Variants in COL14A1 observed in about 807,000 individuals in gnomAD.
COL14A1 encodes collagen alpha-1(XIV) chain.
In COL14A1, 136 loss-of-function variants were observed where a neutral mutation model predicts 230.3. The ratio of observed to expected loss-of-function variants is 0.59; its 90% CI spans 0.51 to 0.68. The LOEUF is 0.68. Ranked by LOEUF, COL14A1 falls within the 30% of genes least tolerant of loss-of-function variation. COL14A1 has a pLI of 0.00. For synonymous variants in COL14A1, 792 were observed against 784.1 expected, an observed-to-expected ratio of 1.01 and a Z score of -0.17; for missense variants, 1,976 against 2,215.8, an observed-to-expected ratio of 0.89 and a Z score of 2.17.
intron 1 of COL14A1, among the ~76,000 whole-genome samples, chr8:120,131,821 T>C (rs1814536463): frequency 6.6e-6 from 1 of 150,596 alleles, no homozygotes; most frequent in African/African-American, 2.4e-5. Flanking sequence ...TAGGTTTTCT[T>C]CCTTTTTTCT....
At chr8:120,166,305 G>A (rs578178420) in intron 4 of COL14A1, among the ~76,000 whole-genome samples, 1 of 152,218 alleles carries the variant, frequency 6.6e-6, no homozygotes, top group South Asian at 2.1e-4. Flanking sequence ...CTGTGTCAAG[G>A]GTGACTGAGC....
At chr8:120,226,826 C>T (rs1480388158) in intron 16 of COL14A1, 60 bp downstream of exon 16, 4 of 1,511,510 alleles carry the variant, frequency 2.6e-6, no homozygotes, top group Non-Finnish European at 3.6e-6. Context: ...CCTACTGCTG[C>T]TGGAGTTGGT....
intron 15 of COL14A1, among the ~76,000 whole-genome samples, chr8:120,225,854 G>C (rs74404108): frequency 0.01 from 1,567 of 151,834 alleles, 32 homozygotes; most frequent in African/African-American, 0.037. Context: ...GAGATGAGAC[G>C]GTAATTTGGA....
At chr8:120,201,503 T>C (rs188707043) in intron 8 of COL14A1, among the ~76,000 whole-genome samples, 57 of 152,266 alleles carry the variant, frequency 3.7e-4, no homozygotes, top group African/African-American at 1.4e-3. Context: ...ATATTTACAT[T>C]TACCAGCACA....
rs1251528789 is a variant in COL14A1, at chr8:120,372,271, G to A, written c.*1040G>A. On this transcript the variant is annotated 3_prime_UTR_variant, in exon 48 of 48. Coordinates refer to ENST00000297848, the MANE Select transcript of COL14A1 (RefSeq NM_021110.4). ...TTATTGTTCATTTATAATCTAGCAG[G>A]CAGCAAAGACCCTGCAAATGCATGA... Among the ~76,000 whole-genome samples the A allele has an allele frequency of 6.6e-6, 1 of 152,152 alleles. No homozygotes were observed. The highest frequency in any genetic ancestry group is 1.5e-5 in the Non-Finnish European group (1 of 68,038).
chr8:120,214,025 T>C, intron 13 of COL14A1: 1 of 332,094 alleles, frequency 3.0e-6, no homozygotes, highest in Non-Finnish European at 5.8e-6. Context: ...AACTGGGCTT[T>C]GAGGTTAGGA....
At chr8:120,325,447 A>G (rs1334612394) in intron 40 of COL14A1, among the ~76,000 whole-genome samples, 1 of 151,380 alleles carries the variant, frequency 6.6e-6, no homozygotes, top group African/African-American at 2.4e-5. Context: ...CCTAATATTC[A>G]TTGTACATTG....
chr8:120,303,639 A>G (rs369120458), intron 36 of COL14A1, among the ~76,000 whole-genome samples: 28 of 152,290 alleles, frequency 1.8e-4, no homozygotes, highest in Middle Eastern at 3.4e-3. Context: ...TCAGTTTGCA[A>G]GTATTTTGTT....
intron 2 of COL14A1, among the ~76,000 whole-genome samples, chr8:120,150,724 A>C (rs187441878): frequency 6.6e-6 from 1 of 152,280 alleles, no homozygotes; most frequent in East Asian, 1.9e-4. Context: ...AGTTTTAGAC[A>C]AATATATGGA....
chr8:120,156,104 T>C (rs1255712703), intron 2 of COL14A1, among the ~76,000 whole-genome samples: 1 of 152,186 alleles, frequency 6.6e-6, no homozygotes, highest in Non-Finnish European at 1.5e-5. Context: ...TGCTTTCATC[T>C]GATTTCATAC....
Position 120,283,664 on chromosome 8 carries a change from G to A in COL14A1, c.3853G>A (p.Asp1285Asn), listed in dbSNP as rs770207407. 1.7e-5 allele frequency: 28 copies of A among 1,612,798 alleles called. No individual in the cohort carries two copies. Among genetic ancestry groups the A allele is most frequent in the African/African-American group, 5.3e-5 (4 of 74,862 alleles). Residue 1285 changes from aspartate (D) to asparagine (N), a missense_variant, in exon 32 of 48, where the codon GAC becomes AAC. Physicochemically the swap from Asp to Asn is conservative, Grantham distance 23. This residue lies in a region of COL14A1 where 1,791 missense variants were observed against 2,019.5 expected (regional missense o/e 0.89). Coordinates refer to ENST00000297848, the MANE Select transcript of COL14A1 (RefSeq NM_021110.4). ...CTTGCACCCAGAAGGATTGCCCTCC[G>A]ACTACACAATCAGTTTTCTATTCCG... The part of the protein sequence containing the change: ...RYLHPEGLPS[D>N]YTISFLFRIL...
intron 8 of COL14A1, among the ~76,000 whole-genome samples, chr8:120,202,926 G>GT (rs1462697032): frequency 1.8e-4 from 26 of 145,464 alleles, no homozygotes; most frequent in African/African-American, 6.3e-4. Flanking sequence ...ATTTGAGTAT[G>GT]TTAAAAAATA....
chr8:120,255,537 T>A (rs1819117605), intron 23 of COL14A1, among the ~76,000 whole-genome samples, 181 bp downstream of exon 23: 1 of 152,192 alleles, frequency 6.6e-6, no homozygotes, highest in Admixed American at 6.5e-5. Context: ...TTACTAACCC[T>A]CTGGAAACCT....
chr8:120,255,908 CTTG>C (rs1819134854), intron 23 of COL14A1, among the ~76,000 whole-genome samples: 1 of 151,890 alleles, frequency 6.6e-6, no homozygotes, highest in South Asian at 2.1e-4. Flanking sequence ...CAATTTGGGA[CTTG>C]TTCCAAGGCT....
intron 35 of COL14A1, among the ~76,000 whole-genome samples, chr8:120,298,841 C>A (rs879027199): frequency 1.3e-5 from 2 of 151,236 alleles, no homozygotes; most frequent in Admixed American, 1.3e-4. Context: ...ATACCCCAGA[C>A]TGGGTAATTT....
intron 5 of COL14A1, among the ~76,000 whole-genome samples, chr8:120,192,624 A>T (rs1816867470): frequency 6.6e-6 from 1 of 152,178 alleles, no homozygotes; most frequent in Non-Finnish European, 1.5e-5. Flanking sequence ...TCTCCTGGAT[A>T]ATATCTTGCA....
intron 21 of COL14A1, among the ~76,000 whole-genome samples, chr8:120,249,930 C>G (rs935475154): frequency 6.6e-6 from 1 of 152,156 alleles, no homozygotes; most frequent in Non-Finnish European, 1.5e-5. Flanking sequence ...GAACTTGTCA[C>G]TAACTCAAAG....
In COL14A1 at chr8:120,216,484, C is replaced by G; in HGVS notation, c.1731C>G (p.Ile577Met). 1 of 1,607,928 alleles carries G rather than the reference C, an allele frequency of 6.2e-7. No individual in the cohort carries two copies. The highest frequency in any genetic ancestry group is 8.5e-7 in the Non-Finnish European group (1 of 1,178,246). The change falls in exon 14 of 48, where the codon ATC (isoleucine) becomes ATG (methionine). Residue 577 changes from isoleucine (I) to methionine (M), a missense_variant. By Grantham distance (10) the Ile-to-Met change is conservative. Transcript: ENST00000297848. ...ATAACAATGCAGATGGGACTGAAAT[C>G]AATGAGGTAAGTTCCGGGACATAAT... is the stretch of plus-strand genomic sequence containing the variant. ...IVYNNADGTE[I>M]NEVEVDPITT...
intron 47 of COL14A1, chr8:120,370,732 C>T (rs1350770827): frequency 2.1e-6 from 3 of 1,396,004 alleles, no homozygotes; most frequent in South Asian, 1.2e-5. Flanking sequence ...CCTCTCCCCA[C>T]ACAGGATGGA....
Sources: gnomAD v4.1 joint callset for allele counts (sites outside exome capture counted in the v4.1 genomes callset) on GRCh38, gnomAD v4.1.1 for gene constraint, gnomAD v4.1.1 regional missense constraint, MANE v1.5 for transcripts, NCBI Gene and HGNC (gene_info 2026-07-23, HGNC 2026-07-21) for gene names.